The following CFAP47 variants were observed in gnomAD, a reference collection of about 807,000 sequenced individuals.
CFAP47 encodes cilia and flagella associated protein 47.
In CFAP47, 29 loss-of-function variants were observed where a neutral mutation model predicts 148.1. That is an observed-to-expected ratio of 0.20 (90% confidence interval 0.15 to 0.27). The LOEUF (loss-of-function observed/expected upper bound fraction) is 0.27, where lower values mean the gene tolerates loss of function less well. Among genes scored for constraint, CFAP47 ranks in the 10% least tolerant of loss-of-function variants. The pLI is 1.00. For synonymous variants in CFAP47, 664 were observed against 577.3 expected, an observed-to-expected ratio of 1.15 and a Z score of -2.15; for missense variants, 1,872 against 1,697.5, an observed-to-expected ratio of 1.10 and a Z score of -1.81.
chrX:35,971,888 C>T lies in CFAP47; in HGVS notation c.2177C>T (p.Ser726Leu). The T allele has an allele frequency of 8.3e-7, 1 of 1,198,117 alleles. No individual in the cohort carries two copies. The highest frequency in any genetic ancestry group is 1.1e-6 in the Non-Finnish European group (1 of 885,980). Residue 726 changes from serine to leucine, a missense_variant, in exon 13 of 64, where the codon TCA (serine) becomes TTA (leucine). Physicochemically the swap from Ser to Leu is moderately radical, Grantham distance 145 (BLOSUM62 -2). Transcript: ENST00000378653. ...TTACAGGTTCTCAAAGGACTTAAAT[C>T]AGAACCATCCACTCCACAAGAAAAA... ...VRRKVLKGLK[S>L]EPSTPQEKHD...
At chrX:36,004,402 T>C (rs781537740) in intron 21 of CFAP47, among the ~76,000 whole-genome samples, 22 of 111,374 alleles carry the variant, frequency 2.0e-4, no homozygotes, top group Non-Finnish European at 2.8e-4. Flanking sequence ...GAGGTATATT[T>C]CTTCCCAAAA....
In CFAP47 at chrX:36,231,114, T is replaced by G. The variant is rs1231704576; in HGVS notation, c.7014+2290T>G. On this transcript the variant is annotated intron_variant, in intron 46 of 63. Transcript: ENST00000378653. ...TGCGGGCTCTTTTTTGGTTCCATATTAACTTTAAAGTAGTTTTTTTCCAAT... is the reference window on the plus strand; with the variant it reads ...TGCGGGCTCTTTTTTGGTTCCATATGAACTTTAAAGTAGTTTTTTTCCAAT... 2.2e-3 allele frequency among the ~76,000 whole-genome samples: 242 copies of G among 109,875 alleles called. 1 individual carries two copies. The highest frequency in any genetic ancestry group is 3.9e-3 in the Non-Finnish European group (206 of 52,757).
chrX:35,970,945 A>C, intron 11 of CFAP47, 22 bp downstream of exon 11: 1 of 1,164,000 alleles, frequency 8.6e-7, no homozygotes. Context: ...TTCCTCAAAA[A>C]ATATGCAACA....
chrX:36,191,579 T>C (rs1171607677), intron 42 of CFAP47, among the ~76,000 whole-genome samples: 3 of 111,862 alleles, frequency 2.7e-5, no homozygotes, highest in Non-Finnish European at 5.6e-5. Context: ...AGAAGATCTA[T>C]TGTTTTACAC....
At chrX:36,076,045 C>G (rs1382610100) in intron 29 of CFAP47, among the ~76,000 whole-genome samples, 1 of 111,369 alleles carries the variant, frequency 9.0e-6, no homozygotes, top group East Asian at 2.8e-4. Flanking sequence ...ATATATACCC[C>G]ACAATGGGAT....
chrX:36,025,548 C>G (rs1178303765), intron 22 of CFAP47, among the ~76,000 whole-genome samples: 2 of 110,757 alleles, frequency 1.8e-5, no homozygotes. Flanking sequence ...GGCTGGGGCG[C>G]GAGTATCTCT....
At chrX:35,973,582 C>A (rs180767240) in intron 13 of CFAP47, among the ~76,000 whole-genome samples, 84 of 108,597 alleles carry the variant, frequency 7.7e-4, no homozygotes, top group African/African-American at 2.8e-3. Flanking sequence ...GATATGCCTG[C>A]AACTTGGATT....
intron 22 of CFAP47, among the ~76,000 whole-genome samples, chrX:36,022,768 T>A (rs1228703094): frequency 8.9e-6 from 1 of 111,732 alleles, no homozygotes; most frequent in Non-Finnish European, 1.9e-5. Context: ...AGAACTCTGA[T>A]GCAAATTGCA....
rs780927841 is a variant in CFAP47 at position 35,975,295 on chromosome X, G to T, written c.2403G>T (p.Val801=). The change falls in exon 14 of 64, where the codon GTG becomes GTT. Residue 801 remains valine (V), a synonymous_variant. Coordinates refer to ENST00000378653, the MANE Select transcript of CFAP47 (RefSeq NM_001304548.2). ...AGAAGACCAACCAATTTTCATACGT[G>T]ATTCTACCTACATCCAGTACTTATA... The part of the protein sequence containing the change: ...ELQKTNQFSY[V]ILPTSSTYIS... The T allele has an allele frequency of 1.7e-6, 2 of 1,206,109 alleles. No individual in the cohort carries two copies. Among genetic ancestry groups the T allele is most frequent in the African/African-American group, 3.5e-5 (2 of 56,838 alleles).
At chrX:36,310,297 A>G (rs1306268135) in intron 55 of CFAP47, among the ~76,000 whole-genome samples, 3 of 111,279 alleles carry the variant, frequency 2.7e-5, no homozygotes, top group East Asian at 5.6e-4. Context: ...TTTTTGATTC[A>G]TTTATCCATA....
rs748864631 is a variant in CFAP47 at position 35,985,252 on chromosome X, C to G, written c.2714-4067C>G. Among the ~76,000 whole-genome samples the G allele has an allele frequency of 2.7e-5, 3 of 111,140 alleles. No individual in the cohort carries two copies. The South Asian group carries it at 1.2e-3, about 43-fold the overall frequency. ...ATTAGGAACATCCGTGCTGGAGGGACTGAAGTGTTCCTGGTCTGCTGGCCA... is the reference window on the plus strand; with the variant it reads ...ATTAGGAACATCCGTGCTGGAGGGAGTGAAGTGTTCCTGGTCTGCTGGCCA... On this transcript the variant is annotated intron_variant, in intron 15 of 63. Coordinates refer to ENST00000378653, the MANE Select transcript of CFAP47 (RefSeq NM_001304548.2).
chrX:36,056,496 C>A (rs1391085803), intron 26 of CFAP47, among the ~76,000 whole-genome samples: 1 of 112,083 alleles, frequency 8.9e-6, no homozygotes, highest in Non-Finnish European at 1.9e-5. Context: ...GTGTACTGAC[C>A]AGCGTGTATC....
chrX:36,173,146 T>G (rs1235234771), intron 39 of CFAP47, among the ~76,000 whole-genome samples: 14 of 111,773 alleles, frequency 1.3e-4, no homozygotes, highest in Non-Finnish European at 2.4e-4. Context: ...AGTGGTGATA[T>G]TCCCTTTATC....
intron 60 of CFAP47, among the ~76,000 whole-genome samples, chrX:36,359,844 G>C (rs868972049): frequency 1.8e-4 from 20 of 110,931 alleles, no homozygotes; most frequent in African/African-American, 6.2e-4. Flanking sequence ...TCTGCCTCCC[G>C]GGTTCACACC....
At chrX:36,256,259 A>T (rs782639896) in intron 49 of CFAP47, among the ~76,000 whole-genome samples, 1 of 112,054 alleles carries the variant, frequency 8.9e-6, no homozygotes, top group East Asian at 2.8e-4. Context: ...TATATAGGTG[A>T]AGATGAGTAG....
At chrX:36,358,653 A>G in intron 60 of CFAP47, among the ~76,000 whole-genome samples, 1 of 110,987 alleles carries the variant, frequency 9.0e-6, no homozygotes, top group Non-Finnish European at 1.9e-5. Flanking sequence ...TCTTCACCAC[A>G]CCCTGCATTG....
At chrX:35,948,501 T>C in intron 4 of CFAP47, 49 bp downstream of exon 4, 1 of 1,020,849 alleles carries the variant, frequency 9.8e-7, no homozygotes, top group Non-Finnish European at 1.4e-6. Context: ...TCTCAATGCT[T>C]TCCCGTTTAA....
At chrX:36,148,755 T>C (rs1007520217) in intron 36 of CFAP47, among the ~76,000 whole-genome samples, 2 of 112,056 alleles carry the variant, frequency 1.8e-5, no homozygotes, top group Admixed American at 9.5e-5. Context: ...CTTTTTAAAA[T>C]TCCCCAGTGG....
At chrX:36,043,993 C>G (rs1037033602) in intron 25 of CFAP47, among the ~76,000 whole-genome samples, 1 of 112,960 alleles carries the variant, frequency 8.9e-6, no homozygotes, top group Non-Finnish European at 1.9e-5. Context: ...TTCTGTGCAC[C>G]TGCAGGCCCA....
Sources: gnomAD v4.1 joint callset for allele counts (sites outside exome capture counted in the v4.1 genomes callset) on GRCh38, gnomAD v4.1.1 for gene constraint, MANE v1.5 for transcripts, NCBI Gene and HGNC (gene_info 2026-07-23, HGNC 2026-07-21) for gene names.